FSTL5: variants seen among roughly 807,000 people sequenced by gnomAD.
FSTL5 encodes the protein follistatin like 5, also known as follistatin-related protein 5.
In FSTL5, 62 loss-of-function variants were observed where a neutral mutation model predicts 89.1. The observed-to-expected ratio is 0.70, with a 90% CI of 0.57 to 0.86. The LOEUF (loss-of-function observed/expected upper bound fraction) is 0.86. Among genes scored for constraint, FSTL5 ranks in the 40% least tolerant of loss-of-function variants. FSTL5 has a pLI of 0.00. For missense variants in FSTL5, 1,057 were observed against 1,001.6 expected (o/e 1.06, Z -0.75); for synonymous variants, 383 against 346.2 (o/e 1.11, Z -1.18).
chr4:161,992,918 ATATATATGTG>A (rs1736169998), intron 3 of FSTL5, among the ~76,000 whole-genome samples: 2 of 9,644 alleles, frequency 2.1e-4, no homozygotes, highest in African/African-American at 3.9e-4. Flanking sequence ...ATATATATAT[ATATATATGTG>A]TGTATATATA....
intron 6 of FSTL5, among the ~76,000 whole-genome samples, chr4:161,729,542 T>G (rs1330782109): frequency 6.6e-6 from 1 of 152,126 alleles, no homozygotes; most frequent in African/African-American, 2.4e-5. Context: ...TCATGTTCAG[T>G]GATATATGAT....
At chr4:161,550,161 G>A (rs1732150266) in intron 8 of FSTL5, among the ~76,000 whole-genome samples, 1 of 151,834 alleles carries the variant, frequency 6.6e-6, no homozygotes, top group Admixed American at 6.6e-5. Flanking sequence ...ACTGTATCCT[G>A]TACATTGCCC....
chr4:161,448,673 C>G (rs148663858), intron 15 of FSTL5, among the ~76,000 whole-genome samples: 3 of 152,306 alleles, frequency 2.0e-5, no homozygotes, highest in African/African-American at 7.2e-5. Flanking sequence ...TCTCATTTTA[C>G]TTCATCCGTG....
intron 6 of FSTL5, among the ~76,000 whole-genome samples, chr4:161,715,664 T>C (rs933172206): frequency 6.6e-6 from 1 of 152,162 alleles, no homozygotes; most frequent in African/African-American, 2.4e-5. Flanking sequence ...CCAAGTTCCA[T>C]CTCAATAGCT....
At chr4:162,079,798 A>G (rs1247530531) in intron 2 of FSTL5, among the ~76,000 whole-genome samples, 2 of 151,492 alleles carry the variant, frequency 1.3e-5, no homozygotes, top group Non-Finnish European at 3.0e-5. Context: ...ATCAAACTGG[A>G]AAGAGCTTTT....
intron 15 of FSTL5, among the ~76,000 whole-genome samples, chr4:161,399,807 C>T (rs1731125545): frequency 6.6e-6 from 1 of 152,034 alleles, no homozygotes; most frequent in Non-Finnish European, 1.5e-5. Context: ...TAGCTCACTA[C>T]AAGAGCAATA....
chr4:161,970,824 T>G (rs575809495), intron 3 of FSTL5, among the ~76,000 whole-genome samples: 1 of 152,156 alleles, frequency 6.6e-6, no homozygotes, highest in Non-Finnish European at 1.5e-5. Context: ...AAATTTTCAA[T>G]AGATGATTGA....
intron 7 of FSTL5, among the ~76,000 whole-genome samples, chr4:161,629,267 C>T (rs2126653916): frequency 6.6e-6 from 1 of 152,158 alleles, no homozygotes; most frequent in South Asian, 2.1e-4. Context: ...ATGAACATTT[C>T]CAAACATAAT....
At chr4:161,702,672 T>C (rs1170580674) in intron 6 of FSTL5, among the ~76,000 whole-genome samples, 2 of 152,076 alleles carry the variant, frequency 1.3e-5, no homozygotes, top group African/African-American at 2.4e-5. Flanking sequence ...TTCTATTGAG[T>C]GATTTCTCGT....
intron 7 of FSTL5, among the ~76,000 whole-genome samples, chr4:161,634,530 A>G (rs924180096): frequency 2.6e-5 from 4 of 152,236 alleles, no homozygotes; most frequent in Non-Finnish European, 5.9e-5. Flanking sequence ...AAAATACAGT[A>G]TAAATATTAA....
intron 4 of FSTL5, among the ~76,000 whole-genome samples, chr4:161,871,413 C>T (rs1303024878): frequency 1.3e-5 from 2 of 151,976 alleles, no homozygotes; most frequent in Non-Finnish European, 2.9e-5. Context: ...CAGTATTTCA[C>T]ATTTTTATAT....
At chr4:161,673,601 G>T (rs1304431689) in intron 6 of FSTL5, among the ~76,000 whole-genome samples, 3 of 151,918 alleles carry the variant, frequency 2.0e-5, no homozygotes, top group Non-Finnish European at 2.9e-5. Context: ...CTCACATGCA[G>T]ATCCATTCTA....
intron 8 of FSTL5, among the ~76,000 whole-genome samples, chr4:161,555,677 A>C (rs1195794424): frequency 1.3e-5 from 2 of 151,508 alleles, no homozygotes; most frequent in Non-Finnish European, 3.0e-5. Context: ...TCCATTTGTA[A>C]AATTTGAAAC....
intron 3 of FSTL5, among the ~76,000 whole-genome samples, chr4:161,940,238 G>A (rs116736996): frequency 0.011 from 1,619 of 151,788 alleles, 25 homozygotes; most frequent in African/African-American, 0.037. Context: ...AATTATCCAC[G>A]TTGTTGAGTA....
intron 6 of FSTL5, among the ~76,000 whole-genome samples, chr4:161,758,321 T>C (rs1267982119): frequency 2.0e-5 from 3 of 152,188 alleles, no homozygotes; most frequent in Non-Finnish European, 4.4e-5. Context: ...TTCTACTTCC[T>C]ATCTTTTCTG....
chr4:161,978,145 A>G (rs1017065034), intron 3 of FSTL5, among the ~76,000 whole-genome samples: 9 of 152,204 alleles, frequency 5.9e-5, no homozygotes, highest in African/African-American at 9.7e-5. Context: ...AAGAGTTCCT[A>G]TTATTTATAC....
intron 4 of FSTL5, among the ~76,000 whole-genome samples, chr4:161,891,475 T>C (rs1732987516): frequency 6.6e-6 from 1 of 152,112 alleles, no homozygotes. Context: ...TGGTTTCAAA[T>C]ATATATTTCA....
chr4:162,097,218 G>C (rs1295680961), intron 2 of FSTL5, among the ~76,000 whole-genome samples: 1 of 151,682 alleles, frequency 6.6e-6, no homozygotes, highest in African/African-American at 2.4e-5. Flanking sequence ...GGGTGTAACT[G>C]ATTATCCTTA....
intron 8 of FSTL5, among the ~76,000 whole-genome samples, chr4:161,580,035 T>C (rs1046263289): frequency 1.3e-5 from 2 of 152,154 alleles, no homozygotes; most frequent in African/African-American, 4.8e-5. Context: ...GGAACTTTAA[T>C]CTCTTCAGTT....
Sources: gnomAD v4.1 joint callset for allele counts (sites outside exome capture counted in the v4.1 genomes callset) on GRCh38, gnomAD v4.1.1 for gene constraint, MANE v1.5 for transcripts, NCBI Gene and HGNC (gene_info 2026-07-23, HGNC 2026-07-21) for gene names.